Variants in ATP6V1E1 observed in about 807,000 individuals in gnomAD.
ATP6V1E1 encodes ATPase H+ transporting V1 subunit E1.
ATP6V1E1 carries 21 observed loss-of-function variants against 35.2 expected under a neutral mutation model. The ratio of observed to expected loss-of-function variants is 0.60; its 90% CI spans 0.42 to 0.86. ATP6V1E1 has a LOEUF of 0.86. Among genes scored for constraint, ATP6V1E1 ranks in the 40% least tolerant of loss-of-function variants. The pLI is 0.00. For synonymous variants in ATP6V1E1, 83 were observed against 87.8 expected (o/e 0.95, Z 0.30); for missense variants, 183 against 272.6 (o/e 0.67, Z 2.32).
chr22:17,599,983 G>A (rs1040569752), intron 6 of ATP6V1E1, 44 bp downstream of exon 6: 4 of 1,242,318 alleles, frequency 3.2e-6, no homozygotes, highest in South Asian at 1.2e-5. Flanking sequence ...GGAAGAAAGG[G>A]AGGGGGGAGG....
chr22:17,599,916 A>T, intron 6 of ATP6V1E1, 111 bp downstream of exon 6: 1 of 847,326 alleles, frequency 1.2e-6, no homozygotes, highest in Non-Finnish European at 1.9e-6. Flanking sequence ...ACAGAGTGAG[A>T]CTCCACCAAA....
At chr22:17,619,054 G>A (rs1261025847) in intron 2 of ATP6V1E1, 1 of 454,924 alleles carries the variant, frequency 2.2e-6, no homozygotes, top group African/African-American at 2.0e-5. Context: ...AGCACTTGGG[G>A]AGGACGAGGT....
intron 4 of ATP6V1E1, among the ~76,000 whole-genome samples, chr22:17,604,143 G>A (rs1419353981): frequency 6.6e-6 from 1 of 152,204 alleles, no homozygotes; most frequent in Non-Finnish European, 1.5e-5. Context: ...TGTCCACTAT[G>A]TCACCACGGG....
At chr22:17,598,408 C>T (rs1424380456) in intron 6 of ATP6V1E1, 120 bp from the exon 7 acceptor site, 3 of 773,806 alleles carry the variant, frequency 3.9e-6, no homozygotes, top group Middle Eastern at 2.4e-4. Context: ...AACAGAGGCA[C>T]CGCTGGTGGG....
intron 7 of ATP6V1E1, 115 bp downstream of exon 7, chr22:17,598,079 G>A: frequency 1.3e-6 from 1 of 795,560 alleles, no homozygotes; most frequent in South Asian, 1.6e-5. Flanking sequence ...CACAGCTCTA[G>A]CCTTGTGTCT....
At chr22:17,595,768 C>G (rs149290994) in intron 7 of ATP6V1E1, among the ~76,000 whole-genome samples, 11 of 151,988 alleles carry the variant, frequency 7.2e-5, no homozygotes, top group Admixed American at 4.6e-4. Context: ...TTGCAGCAAG[C>G]CGAGATCACA....
intron 4 of ATP6V1E1, among the ~76,000 whole-genome samples, chr22:17,601,419 C>A (rs1212366579): frequency 6.6e-6 from 1 of 152,138 alleles, no homozygotes; most frequent in Non-Finnish European, 1.5e-5. Flanking sequence ...GCTCAGGTAA[C>A]CATCAGTTCA....
chr22:17,614,894 G>A (rs908033534), intron 2 of ATP6V1E1, among the ~76,000 whole-genome samples: 21 of 150,592 alleles, frequency 1.4e-4, no homozygotes, highest in Admixed American at 4.0e-4. Context: ...GCATGAACCC[G>A]GGAGGCGGAA....
intron 4 of ATP6V1E1, among the ~76,000 whole-genome samples, chr22:17,606,909 CAACAT>C (rs1272549228): frequency 6.6e-6 from 1 of 152,188 alleles, no homozygotes; most frequent in Non-Finnish European, 1.5e-5. Context: ...CTGTATTCTC[CAACAT>C]AACTGCTTTC....
At chr22:17,617,710 C>T (rs1362798268) in intron 2 of ATP6V1E1, among the ~76,000 whole-genome samples, 1 of 152,200 alleles carries the variant, frequency 6.6e-6, no homozygotes, top group Non-Finnish European at 1.5e-5. Flanking sequence ...CAATGTACAA[C>T]TGGAAATATA....
chr22:17,607,466 G>C (rs1202393381), intron 4 of ATP6V1E1, among the ~76,000 whole-genome samples: 1 of 152,066 alleles, frequency 6.6e-6, no homozygotes, highest in Non-Finnish European at 1.5e-5. Context: ...CCATCTACCA[G>C]TTGCCTAGAC....
At chr22:17,619,389 A>G in intron 2 of ATP6V1E1, 72 bp downstream of exon 2, 1 of 1,338,560 alleles carries the variant, frequency 7.5e-7, no homozygotes, top group Non-Finnish European at 1.0e-6. Context: ...AGTTTTACTA[A>G]CAATATTATT....
Position 17,628,739 on chromosome 22 carries a change from C to T in ATP6V1E1, c.-104G>A. On this transcript the variant is annotated 5_prime_UTR_variant, in exon 1 of 9. Transcript: ENST00000253413. The stretch of plus-strand genomic sequence containing the variant: ...GAACCCCTGCGCAGATCTCGGGTTC[C>T]TTTACTTTATAACCGCGGGTTCCGG... The T allele has an allele frequency of 6.6e-7, 1 of 1,515,616 alleles. No individual in the cohort carries two copies. The allele number at this position is 1,515,616 out of a possible 1,614,324, so 93.9% of individuals were successfully genotyped here. A position where few individuals can be genotyped will look rare whatever the true frequency, so the allele number is the denominator to read the frequency against.
At chr22:17,599,414 A>C (rs2057749981) in intron 6 of ATP6V1E1, among the ~76,000 whole-genome samples, 3 of 151,314 alleles carry the variant, frequency 2.0e-5, no homozygotes, top group African/African-American at 7.3e-5. Flanking sequence ...GTCTCTACTA[A>C]AGATACAAAA....
chr22:17,604,879 T>C (rs953248660), intron 4 of ATP6V1E1, among the ~76,000 whole-genome samples: 1 of 152,076 alleles, frequency 6.6e-6, no homozygotes, highest in African/African-American at 2.4e-5. Flanking sequence ...TCAGTACCAA[T>C]GTCTCAGAAT....
At chr22:17,594,233 C>G (rs940452547) in intron 8 of ATP6V1E1, among the ~76,000 whole-genome samples, 1 of 152,092 alleles carries the variant, frequency 6.6e-6, no homozygotes, top group Non-Finnish European at 1.5e-5. Context: ...CAAGTATTTG[C>G]TTTAGTTCCC....
chr22:17,600,997 G>C, intron 5 of ATP6V1E1, 95 bp downstream of exon 5: 3 of 1,031,598 alleles, frequency 2.9e-6, no homozygotes, highest in Non-Finnish European at 4.2e-6. Flanking sequence ...CTAGAGAAAT[G>C]AGAAAGCAGG....
chr22:17,595,946 A>T (rs5747248), intron 7 of ATP6V1E1, among the ~76,000 whole-genome samples: 127,125 of 151,856 alleles, frequency 0.84, 53,747 homozygotes, highest in African/African-American at 0.94. Flanking sequence ...CTGGCTAACA[A>T]GGTGAAACCC....
chr22:17,620,578 G>C (rs1326658050), intron 1 of ATP6V1E1, among the ~76,000 whole-genome samples: 1 of 151,942 alleles, frequency 6.6e-6, no homozygotes, highest in Non-Finnish European at 1.5e-5. Flanking sequence ...CTCCTAGACA[G>C]CTCTTTTTGA....
Sources: gnomAD v4.1 joint callset for allele counts (sites outside exome capture counted in the v4.1 genomes callset) on GRCh38, gnomAD v4.1.1 for gene constraint, MANE v1.5 for transcripts, NCBI Gene and HGNC (gene_info 2026-07-23, HGNC 2026-07-21) for gene names.